ALCAM: variants seen among roughly 807,000 people sequenced by gnomAD.
The protein encoded by ALCAM is activated leukocyte cell adhesion molecule, also known as CD166 antigen.
ALCAM carries 30 observed loss-of-function variants against 70.9 expected under a neutral mutation model. The ratio of observed to expected loss-of-function variants is 0.42; its 90% confidence interval spans 0.32 to 0.57. The LOEUF (loss-of-function observed/expected upper bound fraction) is 0.57. Among genes scored for constraint, ALCAM ranks in the 20% least tolerant of loss-of-function variants. ALCAM has a pLI of 0.11. For missense variants in ALCAM, 591 were observed against 695.1 expected, an observed-to-expected ratio of 0.85 and a Z score of 1.68; for synonymous variants, 249 against 242.5, an observed-to-expected ratio of 1.03 and a Z score of -0.25.
intron 1 of ALCAM, among the ~76,000 whole-genome samples, chr3:105,398,968 C>T (rs1936021851): frequency 1.3e-5 from 2 of 150,046 alleles, no homozygotes; most frequent in South Asian, 4.2e-4. Flanking sequence ...TTTTGTTCTA[C>T]TCTCATCTCT....
intron 14 of ALCAM, among the ~76,000 whole-genome samples, chr3:105,554,664 A>G (rs1381001231): frequency 6.6e-6 from 1 of 151,994 alleles, no homozygotes; most frequent in Non-Finnish European, 1.5e-5. Flanking sequence ...CATGGCATCT[A>G]TAGAAAATTC....
rs13082461 is a variant in ALCAM at position 105,366,968 on chromosome 3, G to T, written c.-441G>T. Reference sequence around the variant, plus strand: ...TGCTACCACCGCTGCCACCTGAGGAGACCCGCCGCCCCCCCGTCGCCGCCT... The same window carrying T: ...TGCTACCACCGCTGCCACCTGAGGATACCCGCCGCCCCCCCGTCGCCGCCT... On this transcript the variant is annotated 5_prime_UTR_variant, in exon 1 of 16. Transcript: ENST00000306107. The T allele has an allele frequency of 6.0e-6, 1 of 165,410 alleles. No homozygotes were observed. 10.2% of individuals were successfully genotyped at this position (165,410 alleles called of 1,614,324 possible).
chr3:105,502,510 G>A (rs1938949902), intron 1 of ALCAM, among the ~76,000 whole-genome samples: 1 of 152,152 alleles, frequency 6.6e-6, no homozygotes, highest in African/African-American at 2.4e-5. Context: ...TGGTGAATAG[G>A]AGAAAGGCCA....
intron 1 of ALCAM, among the ~76,000 whole-genome samples, chr3:105,479,411 C>A (rs889578959): frequency 6.6e-6 from 1 of 152,052 alleles, no homozygotes; most frequent in African/African-American, 2.4e-5. Context: ...TTTAAGAAAC[C>A]TTCCTAAATA....
chr3:105,483,715 A>G (rs963982028), intron 1 of ALCAM, among the ~76,000 whole-genome samples: 1 of 152,154 alleles, frequency 6.6e-6, no homozygotes, highest in African/African-American at 2.4e-5. Flanking sequence ...AACTGCAGTC[A>G]GAGAAAGAGA....
At chr3:105,420,397 T>C (rs567428061) in intron 1 of ALCAM, among the ~76,000 whole-genome samples, 2 of 151,856 alleles carry the variant, frequency 1.3e-5, no homozygotes, top group South Asian at 4.1e-4. Context: ...CACACTGGTA[T>C]CTACTAAAAA....
intron 1 of ALCAM, among the ~76,000 whole-genome samples, chr3:105,410,560 G>C (rs1165988052): frequency 6.6e-6 from 1 of 151,932 alleles, no homozygotes; most frequent in Non-Finnish European, 1.5e-5. Context: ...CGTATTGTCT[G>C]TATCTCCGGG....
intron 1 of ALCAM, among the ~76,000 whole-genome samples, chr3:105,393,085 G>T (rs1384193707): frequency 6.6e-6 from 1 of 151,624 alleles, no homozygotes; most frequent in Non-Finnish European, 1.5e-5. Context: ...TTTATGTGTT[G>T]CTTGTTTCTT....
In ALCAM at chr3:105,367,156, C is replaced by CGGA; in HGVS notation, c.-248_-246dup. 1.9e-6 allele frequency: 1 copy of CGGA among 525,864 alleles called. No individual in the cohort carries two copies. The highest frequency in any genetic ancestry group is 3.5e-6 in the Non-Finnish European group (1 of 289,842). 32.6% of individuals were successfully genotyped at this position (525,864 alleles called of 1,614,324 possible). A position where few individuals can be genotyped will look rare whatever the true frequency, so the allele number is the denominator to read the frequency against. ...CCTGGAAACAGAGGGTCGTTGTCCC[C>CGGA]GGAGGAGCAGCCGAAGGGCCCGTGG... On this transcript the variant is annotated 5_prime_UTR_variant, in exon 1 of 16. Transcript: ENST00000306107.
At chr3:105,460,629 A>C (rs1398020989) in intron 1 of ALCAM, among the ~76,000 whole-genome samples, 1 of 151,972 alleles carries the variant, frequency 6.6e-6, no homozygotes, top group East Asian at 1.9e-4. Context: ...TCAAGTGAAG[A>C]TTCTGAGGGC....
chr3:105,549,097 G>A (rs151094709), intron 11 of ALCAM, among the ~76,000 whole-genome samples: 373 of 151,440 alleles, frequency 2.5e-3, no homozygotes, highest in Non-Finnish European at 4.6e-3. Context: ...AGTACGAAGT[G>A]AAAAAATAGC....
At chr3:105,433,075 C>A (rs1290025556) in intron 1 of ALCAM, among the ~76,000 whole-genome samples, 1 of 152,080 alleles carries the variant, frequency 6.6e-6, no homozygotes, top group Non-Finnish European at 1.5e-5. Context: ...AGCATAAATA[C>A]CACTTGTTCC....
rs1280899070 is a variant in ALCAM at position 105,534,853 on chromosome 3, A to T, written c.730+8A>T. ...CAGTATTTGATATTTACTGTAAGTA[A>T]TTCAATATATAATTATGCTATTTAA... On this transcript the variant is annotated splice_region_variant and intron_variant, in intron 6 of 15. Transcript: ENST00000306107. 6.3e-7 allele frequency: 1 copy of T among 1,597,730 alleles called. No individual in the cohort carries two copies. Among genetic ancestry groups the T allele is most frequent in the Admixed American group, 1.7e-5 (1 of 58,472 alleles).
chr3:105,408,249 G>A (rs1936298805), intron 1 of ALCAM, among the ~76,000 whole-genome samples: 2 of 151,040 alleles, frequency 1.3e-5, no homozygotes, highest in South Asian at 4.2e-4. Context: ...AGCCCACATA[G>A]CCAAAGCAAA....
intron 1 of ALCAM, among the ~76,000 whole-genome samples, chr3:105,490,645 C>A (rs55706244): frequency 1.3e-5 from 2 of 152,220 alleles, no homozygotes; most frequent in African/African-American, 4.8e-5. Context: ...CATTCTCTTG[C>A]CCCATGCAAG....
At chr3:105,446,663 T>C (rs553794113) in intron 1 of ALCAM, among the ~76,000 whole-genome samples, 1 of 150,788 alleles carries the variant, frequency 6.6e-6, no homozygotes, top group South Asian at 2.1e-4. Context: ...AATGGAGTAC[T>C]ACTGAGCCCT....
At chr3:105,564,551 TGA>T (rs1429217756) in intron 14 of ALCAM, among the ~76,000 whole-genome samples, 2 of 152,268 alleles carry the variant, frequency 1.3e-5, no homozygotes, top group African/African-American at 4.8e-5. Flanking sequence ...CAGTAAATTC[TGA>T]GTTTTCATTT....
At chr3:105,469,512 G>T (rs1937859139) in intron 1 of ALCAM, among the ~76,000 whole-genome samples, 2 of 151,256 alleles carry the variant, frequency 1.3e-5, no homozygotes, top group Admixed American at 1.3e-4. Context: ...ACAGAAAGTA[G>T]AAAAAAATTA....
At chr3:105,510,960 G>T (rs1375003445) in intron 1 of ALCAM, among the ~76,000 whole-genome samples, 2 of 151,932 alleles carry the variant, frequency 1.3e-5, no homozygotes, top group Non-Finnish European at 2.9e-5. Flanking sequence ...AAAACGGGAG[G>T]CACCTTCAGA....
Sources: gnomAD v4.1 joint callset for allele counts (sites outside exome capture counted in the v4.1 genomes callset) on GRCh38, gnomAD v4.1.1 for gene constraint, MANE v1.5 for transcripts, NCBI Gene and HGNC (gene_info 2026-07-23, HGNC 2026-07-21) for gene names.